Variants in DOCK10 observed in about 807,000 individuals in gnomAD.
The protein encoded by DOCK10 is dedicator of cytokinesis 10.
In DOCK10, 145 loss-of-function variants were observed where a neutral mutation model predicts 280.1. That is an observed-to-expected ratio of 0.52 (90% CI 0.45 to 0.59). The LOEUF is 0.59. DOCK10 is among the 20% of genes least tolerant of loss of function. The probability of loss-of-function intolerance (pLI) is 0.00; values close to 1 mark genes in which losing one functional copy is unlikely to be tolerated. For synonymous variants in DOCK10, 915 were observed against 942.2 expected, an observed-to-expected ratio of 0.97 and a Z score of 0.53; for missense variants, 2,368 against 2,651.7, an observed-to-expected ratio of 0.89 and a Z score of 2.35.
chr2:225,001,382 C>T (rs551369991), intron 1 of DOCK10, among the ~76,000 whole-genome samples: 6 of 151,750 alleles, frequency 4.0e-5, no homozygotes, highest in East Asian at 1.9e-4. Flanking sequence ...CTCCGCCTCC[C>T]GGGTTTACGC....
At chr2:224,790,650 CAT>C (rs1246850060) in intron 47 of DOCK10, among the ~76,000 whole-genome samples, 3 of 151,870 alleles carry the variant, frequency 2.0e-5, no homozygotes, top group Non-Finnish European at 4.4e-5. Flanking sequence ...TAATATTAAA[CAT>C]ATATTAAACT....
Position 224,770,417 on chromosome 2 carries a change from A to AG in DOCK10, c.6306-69dup. The AG allele has an allele frequency of 6.4e-7, 1 of 1,561,570 alleles. No homozygotes were observed. The highest frequency in any genetic ancestry group is 8.7e-7 in the Non-Finnish European group (1 of 1,151,680). On this transcript the variant is annotated intron_variant, in intron 54 of 55. Coordinates refer to ENST00000258390, the MANE Select transcript of DOCK10 (RefSeq NM_014689.3). This position sits in a 1 kb window ranked among gnomAD's most constrained non-coding sequence, Gnocchi z 4.5. ...AGTGGCATTGAGCTCAGTGACTGTG[A>AG]GTTCAGAGTCAGGCTGCTGATGGAC...
At chr2:224,895,156 G>A (rs1699905772) in intron 4 of DOCK10, among the ~76,000 whole-genome samples, 1 of 152,180 alleles carries the variant, frequency 6.6e-6, no homozygotes, top group Non-Finnish European at 1.5e-5. Context: ...AAGATCAAAT[G>A]TCACCTTCTT....
chr2:224,938,470 C>A (rs62187991), intron 1 of DOCK10, among the ~76,000 whole-genome samples: 34,805 of 151,908 alleles, frequency 0.23, 4,463 homozygotes, highest in Non-Finnish European at 0.28. Context: ...CACATCTTGA[C>A]ACACGGACAA....
chr2:224,904,710 G>A (rs1223640582), intron 3 of DOCK10, among the ~76,000 whole-genome samples: 1 of 152,132 alleles, frequency 6.6e-6, no homozygotes, highest in Non-Finnish European at 1.5e-5. Context: ...AAGTGTGAGT[G>A]CACAGTATTC....
chr2:225,021,007 A>C (rs1056993973), intron 1 of DOCK10, among the ~76,000 whole-genome samples: 7 of 152,228 alleles, frequency 4.6e-5, no homozygotes, highest in South Asian at 2.1e-4. Flanking sequence ...AGTTGACAAC[A>C]ATCAAGGGAG....
chr2:224,895,813 T>TTGTG (rs1300628923), intron 4 of DOCK10, among the ~76,000 whole-genome samples: 11 of 115,398 alleles, frequency 9.5e-5, no homozygotes, highest in Middle Eastern at 4.1e-3. Context: ...TTCCTTTTGG[T>TTGTG]TGTGTGTGTG....
chr2:224,870,903 T>C (rs1316589151), intron 11 of DOCK10, among the ~76,000 whole-genome samples: 1 of 144,390 alleles, frequency 6.9e-6, no homozygotes, highest in Admixed American at 7.1e-5. Context: ...CTCGGCTTAC[T>C]GCAACCTCCA....
chr2:225,031,367 G>A (rs1276158298), intron 1 of DOCK10, among the ~76,000 whole-genome samples: 2 of 152,170 alleles, frequency 1.3e-5, no homozygotes, highest in Admixed American at 6.5e-5. Flanking sequence ...TCACCATGCC[G>A]CCTTGTGCAT....
intron 1 of DOCK10, among the ~76,000 whole-genome samples, chr2:225,039,960 C>T (rs1690372320): frequency 6.6e-6 from 1 of 152,312 alleles, no homozygotes; most frequent in South Asian, 2.1e-4. Flanking sequence ...TGCTCCAATA[C>T]ACACCCGCGG....
intron 27 of DOCK10, among the ~76,000 whole-genome samples, chr2:224,829,702 G>A (rs1695094416): frequency 6.6e-6 from 1 of 152,196 alleles, no homozygotes; most frequent in Non-Finnish European, 1.5e-5. Context: ...GACCACTCTA[G>A]AATGAGGGTT....
chr2:224,874,833 G>T, intron 8 of DOCK10, 82 bp from the exon 9 acceptor site: 1 of 1,291,472 alleles, frequency 7.7e-7, no homozygotes, highest in Non-Finnish European at 1.1e-6. Context: ...GCAAAACTAA[G>T]TTAGGCTTAA....
At chr2:224,988,064 C>T (rs1248103685) in intron 1 of DOCK10, among the ~76,000 whole-genome samples, 1 of 152,138 alleles carries the variant, frequency 6.6e-6, no homozygotes, top group African/African-American at 2.4e-5. Context: ...CATAATTATT[C>T]AGTGAACAAG....
intron 2 of DOCK10, among the ~76,000 whole-genome samples, chr2:224,925,667 AT>A (rs1702008459): frequency 1.3e-5 from 2 of 152,192 alleles, no homozygotes; most frequent in South Asian, 4.1e-4. Flanking sequence ...TGTGGACAAA[AT>A]TGAAGTATAG....
At chr2:224,887,960 G>A (rs1384542511) in intron 4 of DOCK10, among the ~76,000 whole-genome samples, 2 of 152,060 alleles carry the variant, frequency 1.3e-5, no homozygotes, top group Non-Finnish European at 2.9e-5. Flanking sequence ...GGTAACTGTT[G>A]GTGAGAATGT....
chr2:224,852,542 A>G, intron 17 of DOCK10, 100 bp from the exon 18 acceptor site: 1 of 869,408 alleles, frequency 1.2e-6, no homozygotes, highest in Non-Finnish European at 1.8e-6. Context: ...AATCCAAAAA[A>G]TGTAAAATAC....
At position 224,797,913 on chromosome 2, in the gene DOCK10, G is replaced by T; in HGVS notation, c.4563C>A (p.Thr1521=). 1 of 1,613,792 alleles carries T rather than the reference G, an allele frequency of 6.2e-7. No homozygotes were observed. Among genetic ancestry groups the T allele is most frequent in the Non-Finnish European group, 8.5e-7 (1 of 1,179,780 alleles). The change falls in exon 42 of 56, where the codon ACC becomes ACA. Residue 1521 remains threonine (T), a synonymous_variant. Transcript: ENST00000258390. ...QNSLMKRVFD[T]YMLFFQVNQS... ...GATTGACTTGGAAAAAGAGCATGTAGGTATCAAAGACCCTTTTCATCAATG... is the reference window on the plus strand; with the variant it reads ...GATTGACTTGGAAAAAGAGCATGTATGTATCAAAGACCCTTTTCATCAATG...
At chr2:224,928,178 G>A (rs901912966) in intron 2 of DOCK10, among the ~76,000 whole-genome samples, 1 of 152,154 alleles carries the variant, frequency 6.6e-6, no homozygotes, top group Non-Finnish European at 1.5e-5. Flanking sequence ...TTACAGACAC[G>A]CCTATATTCC....
intron 3 of DOCK10, among the ~76,000 whole-genome samples, chr2:224,900,915 G>GT (rs1344871659): frequency 6.6e-6 from 1 of 152,174 alleles, no homozygotes; most frequent in Non-Finnish European, 1.5e-5. Flanking sequence ...AAAGGGTTCT[G>GT]TTTAATGAAA....
Sources: gnomAD v4.1 joint callset for allele counts (sites outside exome capture counted in the v4.1 genomes callset) on GRCh38, gnomAD v4.1.1 for gene constraint, Gnocchi (gnomAD v3.1) non-coding constraint, MANE v1.5 for transcripts, NCBI Gene and HGNC (gene_info 2026-07-23, HGNC 2026-07-21) for gene names.